The following NAV3 variants were observed in gnomAD, a reference collection of about 807,000 sequenced individuals.
The protein encoded by NAV3 is pore membrane and/or filament interacting like protein 1.
A neutral mutation model predicts 244.7 loss-of-function variants in NAV3; 87 were observed. The ratio of observed to expected loss-of-function variants is 0.36; its 90% CI spans 0.30 to 0.42. The LOEUF is 0.42. Among genes scored for constraint, NAV3 ranks in the 20% least tolerant of loss-of-function variants. The pLI, the probability that NAV3 is intolerant of heterozygous loss-of-function variation, is 1.00. For missense variants in NAV3, 2,663 were observed against 2,893.3 expected, an observed-to-expected ratio of 0.92 and a Z score of 1.83; for synonymous variants, 1,126 against 1,042.2, an observed-to-expected ratio of 1.08 and a Z score of -1.55.
chr12:77,797,215 G>A (rs567201931), intron 2 of NAV3, among the ~76,000 whole-genome samples: 1 of 152,068 alleles, frequency 6.6e-6, no homozygotes, highest in Non-Finnish European at 1.5e-5. Flanking sequence ...ATGCATTATT[G>A]TCTCCATTTT....
chr12:78,066,244 A>T (rs1416285683), intron 12 of NAV3, among the ~76,000 whole-genome samples: 1 of 152,098 alleles, frequency 6.6e-6, no homozygotes, highest in African/African-American at 2.4e-5. Flanking sequence ...GAAGTCCCTG[A>T]GCATGTTTAA....
chr12:77,961,702 A>G (rs532008082), intron 3 of NAV3, among the ~76,000 whole-genome samples: 3 of 145,996 alleles, frequency 2.1e-5, no homozygotes, highest in East Asian at 4.2e-4. Context: ...GTTATATAAT[A>G]TAAGTAATGT....
At position 78,121,971 on chromosome 12, in the gene NAV3, G is replaced by A. The variant is rs1355848663; in HGVS notation, c.3781G>A (p.Ala1261Thr). 3.7e-6 allele frequency: 6 copies of A among 1,614,076 alleles called. No individual in the cohort carries two copies. Among genetic ancestry groups the A allele is most frequent in the Non-Finnish European group, 5.1e-6 (6 of 1,179,968 alleles). ...LFGAKAGGKS[A>T]SAPNTEGVKS... The stretch of plus-strand genomic sequence containing the variant: ...TGGTGCCAAGGCAGGTGGCAAATCT[G>A]CCTCTGCACCTAATACTGAGGGTGT... The change falls in exon 16 of 40, where the codon GCC (alanine) becomes ACC (threonine). Residue 1261 changes from alanine (A) to threonine (T), a missense_variant. Ala to Thr is a moderately conservative substitution (Grantham distance 58, BLOSUM62 0). Around this residue, in one of 6 missense-constraint regions of NAV3, gnomAD observed 354 missense variants for 413.0 expected, o/e 0.86. Transcript: ENST00000397909.
At chr12:77,908,144 A>G (rs1179995948) in intron 1 of NAV3, among the ~76,000 whole-genome samples, 1 of 152,114 alleles carries the variant, frequency 6.6e-6, no homozygotes, top group African/African-American at 2.4e-5. Flanking sequence ...GTAAGTAGCA[A>G]TCACAAATTA....
At chr12:77,833,410 G>C (rs1424848169) in intron 1 of NAV3, among the ~76,000 whole-genome samples, 1 of 152,200 alleles carries the variant, frequency 6.6e-6, no homozygotes, top group Non-Finnish European at 1.5e-5. Flanking sequence ...TTCGAAACAG[G>C]AAATGTTTCC....
At chr12:77,930,509 C>A (rs1182613614) in intron 1 of NAV3, among the ~76,000 whole-genome samples, 1 of 151,656 alleles carries the variant, frequency 6.6e-6, no homozygotes, top group African/African-American at 2.4e-5. Context: ...TAATCCAATT[C>A]TCACACAGTG....
At chr12:78,005,457 T>A (rs1157782768) in intron 7 of NAV3, among the ~76,000 whole-genome samples, 1 of 152,200 alleles carries the variant, frequency 6.6e-6, no homozygotes, top group Non-Finnish European at 1.5e-5. Flanking sequence ...CTACTCAAAG[T>A]ATGACTTGTG....
In NAV3 at chr12:78,058,919, A is replaced by C. The variant is rs115662435; in HGVS notation, c.2517-77A>C. ...TGAGTAATTATTGAAAATTGTGGAC[A>C]CCGTTTGTTTATTAAGTTAAATTGT... On this transcript the variant is annotated intron_variant, in intron 11 of 39. Coordinates refer to ENST00000397909, the MANE Select transcript of NAV3 (RefSeq NM_001024383.2). 530 of 1,288,734 alleles carry C rather than the reference A, an allele frequency of 4.1e-4. 3 individuals are homozygous for C. In the African/African-American group the frequency reaches 7.5e-3, roughly 18 times the overall value. 79.8% of individuals were successfully genotyped at this position (1,288,734 alleles called of 1,614,324 possible).
chr12:78,031,368 T>G (rs899746391), intron 9 of NAV3, among the ~76,000 whole-genome samples: 6 of 152,132 alleles, frequency 3.9e-5, no homozygotes, highest in Non-Finnish European at 8.8e-5. Flanking sequence ...TCATGTGATC[T>G]AACTGAAATT....
At chr12:77,998,561 C>T in intron 7 of NAV3, 85 bp downstream of exon 7, 12 of 1,413,464 alleles carry the variant, frequency 8.5e-6, no homozygotes, top group Non-Finnish European at 1.1e-5. Flanking sequence ...AGCAGCGTAA[C>T]AACTTTGGGC....
chr12:78,202,145 TCAA>T, intron 38 of NAV3, among the ~76,000 whole-genome samples: 1 of 152,024 alleles, frequency 6.6e-6, no homozygotes, highest in East Asian at 1.9e-4. Flanking sequence ...TTTTTATTTT[TCAA>T]GTATAACATA....
intron 2 of NAV3, among the ~76,000 whole-genome samples, chr12:77,599,887 A>G (rs1046989758): frequency 1.3e-5 from 2 of 151,990 alleles, no homozygotes; most frequent in African/African-American, 4.8e-5. Context: ...AATATTGTAC[A>G]GGAAGGCCTG....
At chr12:78,180,195 G>C (rs1311356855) in intron 29 of NAV3, among the ~76,000 whole-genome samples, 3 of 151,974 alleles carry the variant, frequency 2.0e-5, no homozygotes, top group Non-Finnish European at 4.4e-5. Context: ...ACATCTAAAG[G>C]CTAAATTCAG....
intron 3 of NAV3, among the ~76,000 whole-genome samples, chr12:77,961,606 AATAT>A (rs200981999): frequency 0.072 from 10,254 of 141,756 alleles, 529 homozygotes; most frequent in African/African-American, 0.15. Flanking sequence ...TATATATTTG[AATAT>A]ATATTACTAT....
At chr12:77,670,206 A>G (rs1039827897) in intron 2 of NAV3, among the ~76,000 whole-genome samples, 1 of 152,154 alleles carries the variant, frequency 6.6e-6, no homozygotes, top group Non-Finnish European at 1.5e-5. Flanking sequence ...GGAGATGAAT[A>G]AATTCCTGGA....
At chr12:77,933,899 A>G (rs535049338) in intron 1 of NAV3, among the ~76,000 whole-genome samples, 2 of 152,204 alleles carry the variant, frequency 1.3e-5, no homozygotes, top group African/African-American at 4.8e-5. Context: ...TTCTTTGTCC[A>G]ATGTTGCCTA....
intron 1 of NAV3, among the ~76,000 whole-genome samples, chr12:77,895,309 TTG>T (rs71440496): frequency 0.36 from 52,791 of 148,412 alleles, 10,069 homozygotes; most frequent in Non-Finnish European, 0.43. Context: ...TTTAGAATGA[TTG>T]TGTGTGTGTG....
intron 2 of NAV3, among the ~76,000 whole-genome samples, chr12:77,753,397 T>A (rs953219358): frequency 2.6e-5 from 4 of 152,128 alleles, no homozygotes; most frequent in African/African-American, 7.2e-5. Flanking sequence ...TTAAAGTAGA[T>A]AACCAGTCAA....
intron 18 of NAV3, chr12:78,130,392 G>T: frequency 4.5e-6 from 1 of 222,296 alleles, no homozygotes; most frequent in Non-Finnish European, 9.9e-6. Context: ...AGAACAGAAA[G>T]TGAGTTTACT....
Sources: gnomAD v4.1 joint callset for allele counts (sites outside exome capture counted in the v4.1 genomes callset) on GRCh38, gnomAD v4.1.1 for gene constraint, gnomAD v4.1.1 regional missense constraint, MANE v1.5 for transcripts, NCBI Gene and HGNC (gene_info 2026-07-23, HGNC 2026-07-21) for gene names.